The following CCN3 variants were observed in gnomAD, a reference collection of about 807,000 sequenced individuals.
The protein encoded by CCN3 is cellular communication network factor 3.
Under a neutral mutation model 33.4 loss-of-function variants are expected in CCN3, and 20 were observed. The ratio of observed to expected loss-of-function variants is 0.60; its 90% CI spans 0.42 to 0.87. CCN3 has a LOEUF of 0.87. CCN3 is among the 40% of genes least tolerant of loss of function. The probability of loss-of-function intolerance (pLI) is 0.00; values close to 1 mark genes in which losing one functional copy is unlikely to be tolerated. For synonymous variants in CCN3, 205 were observed against 170.4 expected (o/e 1.20, Z -1.58); for missense variants, 465 against 455.3 (o/e 1.02, Z -0.19).
intron 1 of CCN3, 55 bp from the exon 2 acceptor site, chr8:119,416,689 T>C: frequency 6.3e-7 from 1 of 1,581,496 alleles, no homozygotes; most frequent in South Asian, 1.1e-5. Context: ...GTCACCGGGC[T>C]CACTGCGTCT....
chr8:119,416,747 G>A lies in CCN3; in HGVS notation c.88G>A (p.Ala30Thr). 2.5e-6 allele frequency: 4 copies of A among 1,584,274 alleles called. No homozygotes were observed. The highest frequency in any genetic ancestry group is 2.6e-6 in the Non-Finnish European group (3 of 1,164,808). The part of the protein sequence containing the change: ...FLLLHLLGQV[A>T]ATQRCPPQCP... ...TCCTTGTCTCGCCTGCCTTCAGGTC[G>A]CTGCGACTCAGCGCTGCCCTCCCCA... The change falls in exon 2 of 5, where the codon GCT (alanine) becomes ACT (threonine). Residue 30 changes from alanine to threonine, a missense_variant. Physicochemically the swap from Ala to Thr is moderately conservative, Grantham distance 58. Transcript: ENST00000259526.
rs1330929424 is a variant in CCN3 at position 119,418,327 on chromosome 8, C to A, written c.562+18C>A. ...CCTTGCAGGTGAGAAACTCAATATA[C>A]CTAGGGCTGGTCATAGTAGAGGGTA... On this transcript the variant is annotated intron_variant, in intron 3 of 4. Coordinates refer to ENST00000259526, the MANE Select transcript of CCN3 (RefSeq NM_002514.4). 21 of 1,612,684 alleles carry A rather than the reference C, an allele frequency of 1.3e-5. No individual in the cohort carries two copies. The highest frequency in any genetic ancestry group is 1.8e-5 in the Non-Finnish European group (21 of 1,179,308).
intron 3 of CCN3, 24 bp from the exon 4 acceptor site, chr8:119,419,107 T>A: frequency 1.3e-6 from 2 of 1,583,776 alleles, no homozygotes; most frequent in Non-Finnish European, 1.7e-6. Context: ...CTAATATGGC[T>A]GTCTTTATTT....
chr8:119,419,373 C>T, intron 4 of CCN3, 28 bp downstream of exon 4: 6 of 1,606,426 alleles, frequency 3.7e-6, no homozygotes, highest in Non-Finnish European at 5.1e-6. Context: ...ACCTCCCATC[C>T]TGAAGGTAAT....
At position 119,422,911 on chromosome 8, in the gene CCN3, C is replaced by G; in HGVS notation, c.853C>G (p.His285Asp). 6.2e-7 allele frequency: 1 copy of G among 1,614,112 alleles called. No individual in the cohort carries two copies. The highest frequency in any genetic ancestry group is 8.5e-7 in the Non-Finnish European group (1 of 1,179,996). Residue 285 changes from histidine (H) to aspartate (D), a missense_variant, in exon 5 of 5, where the codon CAC becomes GAC. Transcript: ENST00000259526. Reference protein sequence around the residue: ...HLQFKNCTSLHTYKPRFCGVC... With the variant: ...HLQFKNCTSLDTYKPRFCGVC... ...GCAGTTCAAGAACTGCACCAGCCTGCACACCTACAAGCCCAGGTTCTGTGG... is the reference window on the plus strand; with the variant it reads ...GCAGTTCAAGAACTGCACCAGCCTGGACACCTACAAGCCCAGGTTCTGTGG...
chr8:119,422,742 T>A, intron 4 of CCN3, 94 bp from the exon 5 acceptor site: 1 of 974,110 alleles, frequency 1.0e-6, no homozygotes, highest in Non-Finnish European at 1.5e-6. Flanking sequence ...CCAATAGATA[T>A]TGGGTGGGCA....
rs1157814473 is a variant in CCN3 at position 119,423,054 on chromosome 8, C to A, written c.996C>A (p.Thr332=). Residue 332 remains threonine (T), a synonymous_variant, in exon 5 of 5, where the codon ACC becomes ACA. Transcript: ENST00000259526. ...CAGTGATGGTCATTGGGACCTGCAC[C>A]TGTCACACCAACTGTCCTAAGAACA... ...KKPVMVIGTC[T]CHTNCPKNNE... 6.2e-7 allele frequency: 1 copy of A among 1,614,064 alleles called. No homozygotes were observed.
chr8:119,418,483 T>G (rs1820083091), intron 3 of CCN3, among the ~76,000 whole-genome samples, 174 bp downstream of exon 3: 1 of 152,218 alleles, frequency 6.6e-6, no homozygotes, highest in African/African-American at 2.4e-5. Context: ...AGATCAAACA[T>G]ATTTATAAAC....
chr8:119,419,265 C>G lies in CCN3; in HGVS notation c.697C>G (p.Arg233Gly), dbSNP rs1176610906. ...CTCCACCCGGGTCACCAATAGGAAC[C>G]GTCAATGTGAGATGCTGAAACAGAC... is the stretch of plus-strand genomic sequence containing the variant. The part of the protein sequence containing the change: ...GFSTRVTNRN[R>G]QCEMLKQTRL... Residue 233 changes from arginine (R) to glycine (G), a missense_variant, in exon 4 of 5, where the codon CGT becomes GGT. By Grantham distance (125) the Arg-to-Gly change is moderately radical. Transcript: ENST00000259526. The G allele has an allele frequency of 6.2e-7, 1 of 1,614,072 alleles. No homozygotes were observed. Among genetic ancestry groups the G allele is most frequent in the Non-Finnish European group, 8.5e-7 (1 of 1,180,048 alleles).
In CCN3 at chr8:119,416,577, C is replaced by T. The variant is rs2130450683; in HGVS notation, c.45C>T (p.Cys15=). The T allele has an allele frequency of 6.2e-7, 1 of 1,614,040 alleles. No individual in the cohort carries two copies. The highest frequency in any genetic ancestry group is 8.5e-7 in the Non-Finnish European group (1 of 1,179,978). Residue 15 remains cysteine, a synonymous_variant, in exon 1 of 5, where the codon TGC becomes TGT. Transcript: ENST00000259526. ...CGAGCTTTTGTCTCCGAAAGCAGTG[C>T]CTTTGCCTGACCTTCCTGCTTCTCC... ...QSTSFCLRKQ[C]LCLTFLLLHL...
chr8:119,421,066 T>TGGAGTGCA (rs1453684755), intron 4 of CCN3, among the ~76,000 whole-genome samples: 3 of 133,424 alleles, frequency 2.2e-5, no homozygotes, highest in Non-Finnish European at 4.6e-5. Flanking sequence ...TCACCCAAGC[T>TGGAGTGCA]GGAGTGCAGT....
chr8:119,421,163 C>G (rs114127812), intron 4 of CCN3, among the ~76,000 whole-genome samples: 6,599 of 151,946 alleles, frequency 0.043, 308 homozygotes, highest in African/African-American at 0.11. Flanking sequence ...GGATTACAGA[C>G]GCCCTCCACC....
chr8:119,416,849 T>G lies in CCN3; in HGVS notation c.190T>G (p.Cys64Gly). 1 of 1,613,128 alleles carries G rather than the reference T, an allele frequency of 6.2e-7. No homozygotes were observed. Among genetic ancestry groups the G allele is most frequent in the South Asian group, 1.1e-5 (1 of 90,974 alleles). ...CGCGGTGCTGGACGGCTGCTCATGC[T>G]GTCTGGTGTGTGCCCGCCAGCGTGG... is the stretch of plus-strand genomic sequence containing the variant. ...VRAVLDGCSCCLVCARQRGES... is the reference protein window; with the variant it reads ...VRAVLDGCSCGLVCARQRGES... Residue 64 changes from cysteine (C) to glycine (G), a missense_variant, in exon 2 of 5, where the codon TGT becomes GGT. Cys to Gly is a radical substitution (Grantham distance 159). Coordinates refer to ENST00000259526, the MANE Select transcript of CCN3 (RefSeq NM_002514.4).
Position 119,423,176 on chromosome 8 carries a change from G to A in CCN3, c.*44G>A. 6.6e-7 allele frequency: 1 copy of A among 1,523,954 alleles called. No individual in the cohort carries two copies. The highest frequency in any genetic ancestry group is 9.0e-7 in the Non-Finnish European group (1 of 1,116,154). The allele number at this position is 1,523,954 out of a possible 1,614,324, so 94.4% of individuals were successfully genotyped here. A position where few individuals can be genotyped will look rare whatever the true frequency, so the allele number is the denominator to read the frequency against. On this transcript the variant is annotated 3_prime_UTR_variant, in exon 5 of 5. Coordinates refer to ENST00000259526, the MANE Select transcript of CCN3 (RefSeq NM_002514.4). ...CACCTACAGAGCACCTGTAGCTGCTGCGCCACCCACCATCAAAGGAATATA... is the reference window on the plus strand; with the variant it reads ...CACCTACAGAGCACCTGTAGCTGCTACGCCACCCACCATCAAAGGAATATA...
In CCN3 at chr8:119,422,936, G is replaced by A; in HGVS notation, c.878G>A (p.Gly293Glu). ...CACACCTACAAGCCCAGGTTCTGTG[G>A]GGTCTGCAGTGATGGCCGCTGCTGC... is the stretch of plus-strand genomic sequence containing the variant. Reference protein sequence around the residue: ...SLHTYKPRFCGVCSDGRCCTP... With the variant: ...SLHTYKPRFCEVCSDGRCCTP... Residue 293 changes from glycine (G) to glutamate (E), a missense_variant, in exon 5 of 5, where the codon GGG becomes GAG. Physicochemically the swap from Gly to Glu is moderately conservative, Grantham distance 98. Coordinates refer to ENST00000259526, the MANE Select transcript of CCN3 (RefSeq NM_002514.4). 6.2e-7 allele frequency: 1 copy of A among 1,614,078 alleles called. No individual in the cohort carries two copies. Among genetic ancestry groups the A allele is most frequent in the Admixed American group, 1.7e-5 (1 of 60,012 alleles).
At position 119,416,583 on chromosome 8, in the gene CCN3, C is replaced by T; in HGVS notation, c.51C>T (p.Cys17=). Residue 17 remains cysteine, a synonymous_variant, in exon 1 of 5, where the codon TGC becomes TGT. Coordinates refer to ENST00000259526, the MANE Select transcript of CCN3 (RefSeq NM_002514.4). ...TSFCLRKQCL[C]LTFLLLHLLG... is the part of the protein sequence containing the mutation. ...TTTGTCTCCGAAAGCAGTGCCTTTG[C>T]CTGACCTTCCTGCTTCTCCATCTCC... 1.2e-6 allele frequency: 2 copies of T among 1,613,966 alleles called. No individual in the cohort carries two copies. The highest frequency in any genetic ancestry group is 1.7e-6 in the Non-Finnish European group (2 of 1,179,954).
Position 119,423,296 on chromosome 8 carries a change from C to A in CCN3, c.*164C>A, listed in dbSNP as rs1820153067. ...ACCTTTATATCTGTCTTTTATTTAA[C>A]AAAAAATGTAATTAACTGTAAACTT... On this transcript the variant is annotated 3_prime_UTR_variant, in exon 5 of 5. Transcript: ENST00000259526. The A allele has an allele frequency of 6.6e-6, 4 of 604,458 alleles. No individual in the cohort carries two copies. The highest frequency in any genetic ancestry group is 3.7e-5 in the African/African-American group (2 of 54,596). 37.4% of individuals were successfully genotyped at this position (604,458 alleles called of 1,614,324 possible).
In CCN3 at chr8:119,416,518, G is replaced by A. The variant is rs56013326; in HGVS notation, c.-15G>A. The A allele has an allele frequency of 0.2, 325,446 of 1,612,152 alleles. 34,750 individuals are homozygous for A. The highest frequency in any genetic ancestry group is 0.22 in the Non-Finnish European group (259,100 of 1,178,794). On this transcript the variant is annotated 5_prime_UTR_variant, in exon 1 of 5. Coordinates refer to ENST00000259526, the MANE Select transcript of CCN3 (RefSeq NM_002514.4). ...AAAGTCTCGTTTGGTAAAAGCGAGA[G>A]GGGAAAGCCTGAGCATGCAGAGTGT...
At position 119,419,438 on chromosome 8, in the gene CCN3, G is replaced by A. The variant is rs551533445; in HGVS notation, c.777+93G>A. 123 of 1,268,492 alleles carry A rather than the reference G, an allele frequency of 9.7e-5. 1 individual carries two copies. The highest frequency in any genetic ancestry group is 1.2e-4 in the Non-Finnish European group (102 of 885,480). The allele number at this position is 1,268,492 out of a possible 1,614,324, so 78.6% of individuals were successfully genotyped here. On this transcript the variant is annotated intron_variant, in intron 4 of 4. Transcript: ENST00000259526. ...GAAAGTCACTGTGTCACTCTGTGAC[G>A]GAGAGAGCAGCTATAGCGGGGAGTT...
Sources: gnomAD v4.1 joint callset for allele counts (sites outside exome capture counted in the v4.1 genomes callset) on GRCh38, gnomAD v4.1.1 for gene constraint, MANE v1.5 for transcripts, NCBI Gene and HGNC (gene_info 2026-07-23, HGNC 2026-07-21) for gene names.